ROR2: variants seen among roughly 807,000 people sequenced by gnomAD.
ROR2 encodes the protein tyrosine-protein kinase transmembrane receptor ROR2.
ROR2 carries 33 observed loss-of-function variants against 74.9 expected under a neutral mutation model. That is an observed-to-expected ratio of 0.44 (90% CI 0.33 to 0.59). The LOEUF (loss-of-function observed/expected upper bound fraction) is 0.59, where lower values mean the gene tolerates loss of function less well. ROR2 is among the 20% of genes least tolerant of loss of function. The pLI is 0.02. For synonymous variants in ROR2, 586 were observed against 558.7 expected, an observed-to-expected ratio of 1.05 and a Z score of -0.69; for missense variants, 1,216 against 1,313.8, an observed-to-expected ratio of 0.93 and a Z score of 1.15.
chr9:91,858,338 C>T (rs1829361874), intron 1 of ROR2, among the ~76,000 whole-genome samples: 1 of 152,206 alleles, frequency 6.6e-6, no homozygotes, highest in Admixed American at 6.5e-5. Context: ...CACATGCAGG[C>T]ACCTGCGTGC....
chr9:91,818,565 A>T (rs1282636737), intron 1 of ROR2, among the ~76,000 whole-genome samples: 1 of 152,088 alleles, frequency 6.6e-6, no homozygotes, highest in East Asian at 1.9e-4. Context: ...CAATGACTGA[A>T]CCATTCCTAA....
intron 4 of ROR2, among the ~76,000 whole-genome samples, chr9:91,752,170 G>C (rs539831842): frequency 6.6e-5 from 10 of 152,278 alleles, no homozygotes; most frequent in Non-Finnish European, 1.5e-4. Flanking sequence ...TTCAGGAGAA[G>C]GCCCAGGAAT....
At position 91,841,267 on chromosome 9, in the gene ROR2, T is replaced by G. The variant is rs565301383; in HGVS notation, c.98-65449A>C. On this transcript the variant is annotated intron_variant, in intron 1 of 8. Transcript: ENST00000375708. ...ATTAACACATTAATAAATACATGAG[T>G]CCACGGAAAACTCAACATTTTCTAG... Among the ~76,000 whole-genome samples the G allele has an allele frequency of 2.0e-5, 3 of 152,296 alleles. No homozygotes were observed. In the East Asian group the frequency reaches 5.8e-4, roughly 29 times the overall value.
rs537034213 is a variant in ROR2, at chr9:91,767,140, T to C, written c.175+8601A>G. Among the ~76,000 whole-genome samples, 8 of 152,002 alleles carry C rather than the reference T, an allele frequency of 5.3e-5. No individual in the cohort carries two copies. In the East Asian group the frequency reaches 1.4e-3, roughly 26 times the overall value. On this transcript the variant is annotated intron_variant, in intron 2 of 8. Coordinates refer to ENST00000375708, the MANE Select transcript of ROR2 (RefSeq NM_004560.4). ...GCCAGACTGGAGTGCAGTGGCGTGA[T>C]CTCGGCTCACCACAACCTTCAACTC...
At chr9:91,828,237 A>C (rs547954182) in intron 1 of ROR2, among the ~76,000 whole-genome samples, 2 of 152,216 alleles carry the variant, frequency 1.3e-5, no homozygotes, top group Non-Finnish European at 2.9e-5. Context: ...CAGCACCTGC[A>C]TATTTTTGAT....
chr9:91,790,393 C>T (rs1826932714), intron 1 of ROR2, among the ~76,000 whole-genome samples: 1 of 151,718 alleles, frequency 6.6e-6, no homozygotes, highest in South Asian at 2.1e-4. Context: ...GCCTGTAATC[C>T]CAGCTACTCG....
intron 1 of ROR2, among the ~76,000 whole-genome samples, chr9:91,933,997 C>T (rs1185664265): frequency 1.3e-5 from 2 of 152,022 alleles, no homozygotes; most frequent in South Asian, 2.1e-4. Context: ...TTATGTTATG[C>T]GAATTTTACC....
At position 91,737,486 on chromosome 9, in the gene ROR2, G is replaced by A. The variant is rs1459628208; in HGVS notation, c.527C>T (p.Pro176Leu). The change falls in exon 5 of 9, where the codon CCT becomes CTT. Residue 176 changes from proline to leucine, a missense_variant. Transcript: ENST00000375708. ...DDYHEDGFCQ[P>L]YRGIACARFI... ...GCGTGCACAGGCAATTCCCCGGTAA[G>A]GCTGGCAGAACCCATCCTCGTGGTA... 1.2e-6 allele frequency: 2 copies of A among 1,614,214 alleles called. No homozygotes were observed. The highest frequency in any genetic ancestry group is 1.7e-5 in the Admixed American group (1 of 60,024).
intron 2 of ROR2, among the ~76,000 whole-genome samples, chr9:91,763,016 C>A (rs1825962272): frequency 6.6e-6 from 1 of 152,104 alleles, no homozygotes; most frequent in East Asian, 1.9e-4. Context: ...AAATCATATC[C>A]TTTGCGCAAC....
At chr9:91,754,577 C>T (rs1409737934) in intron 4 of ROR2, among the ~76,000 whole-genome samples, 1 of 152,134 alleles carries the variant, frequency 6.6e-6, no homozygotes, top group African/African-American at 2.4e-5. Flanking sequence ...ATTGCCTGAA[C>T]TTGGCAGGCA....
At chr9:91,779,202 G>C (rs1587710853) in intron 1 of ROR2, among the ~76,000 whole-genome samples, 1 of 151,834 alleles carries the variant, frequency 6.6e-6, no homozygotes, top group Admixed American at 6.6e-5. Context: ...TGGGGTGTGT[G>C]GGGGCTCTAT....
At chr9:91,759,243 G>A (rs34134725) in intron 2 of ROR2, among the ~76,000 whole-genome samples, 12,450 of 152,236 alleles carry the variant, frequency 0.082, 663 homozygotes, top group Middle Eastern at 0.14. Flanking sequence ...GATTTAAGAT[G>A]AGGAGACGGT....
chr9:91,722,788 A>T lies in ROR2; in HGVS notation c.*874T>A, dbSNP rs1460080600. The T allele has an allele frequency of 3.4e-6, 2 of 595,812 alleles. No individual in the cohort carries two copies. Among genetic ancestry groups the T allele is most frequent in the Non-Finnish European group, 3.0e-6 (1 of 331,952 alleles). 36.9% of individuals were successfully genotyped at this position (595,812 alleles called of 1,614,324 possible). A position where few individuals can be genotyped will look rare whatever the true frequency, so the allele number is the denominator to read the frequency against. On this transcript the variant is annotated 3_prime_UTR_variant, in exon 9 of 9. Coordinates refer to ENST00000375708, the MANE Select transcript of ROR2 (RefSeq NM_004560.4). ...AACTGGATCCCAACGTGGGTAACAT[A>T]AACAGTTAAATTACTAAAGTCATCT...
chr9:91,856,800 G>C (rs1829304785), intron 1 of ROR2, among the ~76,000 whole-genome samples: 1 of 152,212 alleles, frequency 6.6e-6, no homozygotes, highest in Non-Finnish European at 1.5e-5. Flanking sequence ...CCATAACAAT[G>C]GCAATTCCCA....
At position 91,946,972 on chromosome 9, in the gene ROR2, T is replaced by A. The variant is rs139887070; in HGVS notation, c.97+2895A>T. On this transcript the variant is annotated intron_variant, in intron 1 of 8. Coordinates refer to ENST00000375708, the MANE Select transcript of ROR2 (RefSeq NM_004560.4). ...CTGCCAGACTTAATCTCTTGGAGGT[T>A]AAATCCAGGCTAACTGTTTAAGGGG... Among the ~76,000 whole-genome samples, 423 of 152,294 alleles carry A rather than the reference T, an allele frequency of 2.8e-3. 3 individuals carry two copies. Among genetic ancestry groups the A allele is most frequent in the African/African-American group, 9.7e-3 (404 of 41,550 alleles).
chr9:91,750,430 G>T (rs763726792), intron 4 of ROR2, among the ~76,000 whole-genome samples: 1 of 152,122 alleles, frequency 6.6e-6, no homozygotes, highest in Non-Finnish European at 1.5e-5. Flanking sequence ...CATCTTATTT[G>T]ATGTATATTA....
At position 91,763,610 on chromosome 9, in the gene ROR2, G is replaced by C. The variant is rs183120592; in HGVS notation, c.176-6051C>G. On this transcript the variant is annotated intron_variant, in intron 2 of 8. Transcript: ENST00000375708. ...TTCTCGTCATTGGGGCTCCCCTTGT[G>C]TAACTGCCTGTTCATCTCTCTATTC... is the stretch of plus-strand genomic sequence containing the variant. Among the ~76,000 whole-genome samples, 1,060 of 152,282 alleles carry C rather than the reference G, an allele frequency of 7.0e-3. 16 individuals are homozygous for C. The highest frequency in any genetic ancestry group is 0.025 in the African/African-American group (1,019 of 41,558).
chr9:91,846,085 G>T (rs146436076), intron 1 of ROR2, among the ~76,000 whole-genome samples: 10 of 152,116 alleles, frequency 6.6e-5, no homozygotes, highest in Admixed American at 6.5e-4. Flanking sequence ...CTCCCGGCTG[G>T]GCTTCTACAA....
At chr9:91,762,461 TTC>T (rs1825943134) in intron 2 of ROR2, among the ~76,000 whole-genome samples, 1 of 152,220 alleles carries the variant, frequency 6.6e-6, no homozygotes, top group African/African-American at 2.4e-5. Context: ...TTTTTCAACA[TTC>T]TTTTTTGATT....
Sources: allele counts gnomAD v4.1 joint callset (sites outside exome capture counted in the v4.1 genomes callset), GRCh38; gene constraint gnomAD v4.1.1; transcripts MANE v1.5; gene names NCBI Gene and HGNC (gene_info 2026-07-23, HGNC 2026-07-21).